The following GALM variants were observed in gnomAD, a reference collection of about 807,000 sequenced individuals.
GALM encodes aldose 1-epimerase.
GALM carries 43 observed loss-of-function variants against 37.4 expected under a neutral mutation model. The ratio of observed to expected loss-of-function variants is 1.15; its 90% CI spans 0.90 to 1.48. The LOEUF (loss-of-function observed/expected upper bound fraction) is 1.48, where lower values mean the gene tolerates loss of function less well. Ranked by LOEUF, GALM falls within the 40% of genes most tolerant of loss-of-function variation. GALM has a pLI of 0.00. For missense variants in GALM, 456 were observed against 419.1 expected (o/e 1.09, Z -0.77); for synonymous variants, 199 against 170.6 (o/e 1.17, Z -1.30).
At chr2:38,686,515 T>C (rs1283538969) in intron 3 of GALM, among the ~76,000 whole-genome samples, 1 of 151,626 alleles carries the variant, frequency 6.6e-6, no homozygotes, top group Admixed American at 6.6e-5. Context: ...CCACCCACCT[T>C]GGCCTCCCAA....
chr2:38,668,216 C>T (rs4670882), intron 1 of GALM: 35,888 of 152,028 alleles, frequency 0.24, 6,260 homozygotes, highest in African/African-American at 0.48. Flanking sequence ...GGTGGAGTCT[C>T]GCTCTGTCAC....
At chr2:38,679,596 T>C (rs1422162358) in intron 2 of GALM, among the ~76,000 whole-genome samples, 1 of 152,204 alleles carries the variant, frequency 6.6e-6, no homozygotes, top group Admixed American at 6.5e-5. Flanking sequence ...CTCAACAAGT[T>C]GGAGGTCTCA....
intron 4 of GALM, among the ~76,000 whole-genome samples, chr2:38,721,142 G>T (rs1251423417): frequency 1.3e-5 from 2 of 152,242 alleles, no homozygotes; most frequent in African/African-American, 2.4e-5. Flanking sequence ...GAATGTGGGT[G>T]TGAATCTCTT....
At chr2:38,726,675 C>T (rs906070330) in intron 4 of GALM, among the ~76,000 whole-genome samples, 1 of 151,902 alleles carries the variant, frequency 6.6e-6, no homozygotes, top group Non-Finnish European at 1.5e-5. Flanking sequence ...TTTGGGAGGC[C>T]GAGATGGGCA....
intron 3 of GALM, among the ~76,000 whole-genome samples, chr2:38,689,063 G>A (rs1329826196): frequency 6.6e-6 from 1 of 152,110 alleles, no homozygotes; most frequent in African/African-American, 2.4e-5. Context: ...CAGGTGATCC[G>A]CCTGCCTCGG....
chr2:38,690,297 C>A (rs973427385), intron 4 of GALM, among the ~76,000 whole-genome samples: 2 of 151,532 alleles, frequency 1.3e-5, no homozygotes, highest in African/African-American at 2.4e-5. Flanking sequence ...CATGGTGAGA[C>A]CCCGTCTTAT....
At position 38,689,304 on chromosome 2, in the gene GALM, G is replaced by A. The variant is rs191958811; in HGVS notation, c.553-509G>A. On this transcript the variant is annotated intron_variant, in intron 3 of 6. Coordinates refer to ENST00000272252, the MANE Select transcript of GALM (RefSeq NM_138801.3). ...GGAGGAGGTGGGCAAATTCTCAAAAGCAGGGACTGCGGTTCTGACACCTGG... is the reference window on the plus strand; with the variant it reads ...GGAGGAGGTGGGCAAATTCTCAAAAACAGGGACTGCGGTTCTGACACCTGG... Among the ~76,000 whole-genome samples, 5 of 152,330 alleles carry A rather than the reference G, an allele frequency of 3.3e-5. No individual in the cohort carries two copies. In the South Asian group the frequency reaches 8.3e-4, roughly 25 times the overall value.
intron 4 of GALM, among the ~76,000 whole-genome samples, chr2:38,709,144 G>C (rs530410753): frequency 1.3e-5 from 2 of 149,734 alleles, no homozygotes; most frequent in South Asian, 4.2e-4. Context: ...TGAGGGTTGT[G>C]GGGGACAGGG....
intron 4 of GALM, among the ~76,000 whole-genome samples, chr2:38,726,558 G>C (rs1666490729): frequency 6.6e-6 from 1 of 151,970 alleles, no homozygotes. Context: ...ACACAATGCT[G>C]TATACAAACC....
chr2:38,667,943 A>C (rs1664998954), intron 1 of GALM, among the ~76,000 whole-genome samples: 1 of 152,210 alleles, frequency 6.6e-6, no homozygotes, highest in African/African-American at 2.4e-5. Context: ...CCATACCCGG[A>C]GGAAGAAATG....
chr2:38,699,404 A>T (rs1665872602), intron 4 of GALM, among the ~76,000 whole-genome samples: 1 of 152,210 alleles, frequency 6.6e-6, no homozygotes, highest in East Asian at 1.9e-4. Flanking sequence ...GGGACATTCA[A>T]AATCTGCTGT....
At chr2:38,733,152 C>T (rs536630443) in intron 6 of GALM, among the ~76,000 whole-genome samples, 9 of 146,566 alleles carry the variant, frequency 6.1e-5, no homozygotes, top group African/African-American at 1.3e-4. Flanking sequence ...ACCCAGGAAG[C>T]GGGGTTTGCA....
At chr2:38,731,709 C>G (rs746513228) in intron 5 of GALM, 26 bp from the exon 6 acceptor site, 1 of 1,599,824 alleles carries the variant, frequency 6.3e-7, no homozygotes. Flanking sequence ...CTGCCCTGGA[C>G]TCATGTTGTT....
At chr2:38,710,605 A>T (rs916697819) in intron 4 of GALM, among the ~76,000 whole-genome samples, 2 of 152,178 alleles carry the variant, frequency 1.3e-5, no homozygotes, top group East Asian at 3.9e-4. Context: ...GGGTCTCACT[A>T]TGTTGCCCAG....
At chr2:38,733,023 C>G (rs370932998) in intron 6 of GALM, among the ~76,000 whole-genome samples, 2 of 151,668 alleles carry the variant, frequency 1.3e-5, no homozygotes, top group African/African-American at 4.8e-5. Flanking sequence ...GAGTTCGAGA[C>G]CAGCCCGGTC....
intron 4 of GALM, among the ~76,000 whole-genome samples, chr2:38,714,763 T>C (rs1666236995): frequency 6.6e-6 from 1 of 152,222 alleles, no homozygotes; most frequent in Non-Finnish European, 1.5e-5. Context: ...GAGAAGCATG[T>C]AACAACCAGT....
At chr2:38,671,580 T>G (rs996975849) in intron 1 of GALM, among the ~76,000 whole-genome samples, 6 of 152,268 alleles carry the variant, frequency 3.9e-5, no homozygotes, top group Middle Eastern at 3.4e-3. Flanking sequence ...CAATTCGAGA[T>G]GAGATTTGGG....
At position 38,676,003 on chromosome 2, in the gene GALM, G is replaced by A. The variant is rs1218524460; in HGVS notation, c.282G>A (p.Glu94=). The A allele has an allele frequency of 2.5e-6, 4 of 1,613,996 alleles. No homozygotes were observed. Among genetic ancestry groups the A allele is most frequent in the Non-Finnish European group, 3.4e-6 (4 of 1,180,008 alleles). ...GAACCTTCAAGGTGGATGGGAAGGA[G>A]TATCACCTGGCCATTAACAAGGAAC... ...AKGTFKVDGK[E]YHLAINKEPN... The change falls in exon 2 of 7, where the codon GAG becomes GAA. Residue 94 remains glutamate (E), a synonymous_variant. Coordinates refer to ENST00000272252, the MANE Select transcript of GALM (RefSeq NM_138801.3).
At chr2:38,698,527 G>A in intron 4 of GALM, 12 of 538,358 alleles carry the variant, frequency 2.2e-5, no homozygotes, top group Non-Finnish European at 3.2e-5. Context: ...AAAAAAAAAA[G>A]GAAAAAAATG....
Sources: allele counts gnomAD v4.1 joint callset (sites outside exome capture counted in the v4.1 genomes callset), GRCh38; gene constraint gnomAD v4.1.1; transcripts MANE v1.5; gene names NCBI Gene and HGNC (gene_info 2026-07-23, HGNC 2026-07-21).